Variants in CACNG2 observed in about 807,000 individuals in gnomAD.
The protein encoded by CACNG2 is calcium voltage-gated channel auxiliary subunit gamma 2, also known as voltage-dependent calcium channel gamma-2 subunit.
Under a neutral mutation model 25.9 loss-of-function variants are expected in CACNG2, and 3 were observed. The ratio of observed to expected loss-of-function variants is 0.12; its 90% CI spans 0.05 to 0.30. The LOEUF is 0.30. Ranked by LOEUF, CACNG2 falls within the 10% of genes least tolerant of loss-of-function variation. The pLI is 1.00. For missense variants in CACNG2, 341 were observed against 432.5 expected, an observed-to-expected ratio of 0.79 and a Z score of 1.88; for synonymous variants, 167 against 173.3, an observed-to-expected ratio of 0.96 and a Z score of 0.29.
In CACNG2 at chr22:36,600,842, C is replaced by T. The variant is rs533646550; in HGVS notation, c.212-13294G>A. On this transcript the variant is annotated intron_variant, in intron 1 of 3. Transcript: ENST00000300105. ...GATTATAGGCATGAACCACCGCTCC[C>T]GGCCTAAAATTTTTTTTAAGTGCAT... Among the ~76,000 whole-genome samples the T allele has an allele frequency of 5.3e-5, 8 of 152,152 alleles. No homozygotes were observed. The East Asian group carries it at 9.6e-4, about 18-fold the overall frequency.
intron 1 of CACNG2, among the ~76,000 whole-genome samples, chr22:36,699,750 G>A (rs1937387560): frequency 6.6e-6 from 1 of 152,100 alleles, no homozygotes; most frequent in South Asian, 2.1e-4. Context: ...CATAGAGAGC[G>A]ACCCCATTCT....
At chr22:36,660,747 G>A (rs1355535855) in intron 1 of CACNG2, among the ~76,000 whole-genome samples, 1 of 152,228 alleles carries the variant, frequency 6.6e-6, no homozygotes, top group Non-Finnish European at 1.5e-5. Flanking sequence ...TGGGTTGTTA[G>A]ATAAACGTGG....
At chr22:36,573,065 G>T (rs1171185153) in intron 2 of CACNG2, among the ~76,000 whole-genome samples, 1 of 152,224 alleles carries the variant, frequency 6.6e-6, no homozygotes, top group African/African-American at 2.4e-5. Flanking sequence ...CACCATGAGG[G>T]TATGTGACAG....
intron 1 of CACNG2, among the ~76,000 whole-genome samples, chr22:36,699,894 T>C (rs1010390356): frequency 4.6e-5 from 7 of 152,248 alleles, no homozygotes; most frequent in African/African-American, 1.7e-4. Context: ...TCCAAACTAC[T>C]TCCTAAGTCG....
intron 1 of CACNG2, among the ~76,000 whole-genome samples, chr22:36,669,674 G>A (rs954420250): frequency 1.3e-5 from 2 of 151,952 alleles, no homozygotes; most frequent in African/African-American, 2.4e-5. Context: ...ATAGTTAATC[G>A]TTTTTCTTTT....
At chr22:36,587,842 C>T (rs1205422738) in intron 1 of CACNG2, among the ~76,000 whole-genome samples, 6 of 152,226 alleles carry the variant, frequency 3.9e-5, no homozygotes, top group South Asian at 4.1e-4. Flanking sequence ...GGTTTGATTC[C>T]GAGCTGGGGA....
chr22:36,602,228 A>G (rs1164318587), intron 1 of CACNG2, among the ~76,000 whole-genome samples: 1 of 152,192 alleles, frequency 6.6e-6, no homozygotes, highest in Non-Finnish European at 1.5e-5. Flanking sequence ...TTGAGACTTT[A>G]GTTTAAACAA....
At chr22:36,667,767 C>T (rs1043125576) in intron 1 of CACNG2, among the ~76,000 whole-genome samples, 1 of 152,124 alleles carries the variant, frequency 6.6e-6, no homozygotes. Flanking sequence ...GTTTCTCCTT[C>T]GAGAAATTAG....
chr22:36,647,178 C>T (rs1936538009), intron 1 of CACNG2, among the ~76,000 whole-genome samples: 1 of 152,198 alleles, frequency 6.6e-6, no homozygotes, highest in African/African-American at 2.4e-5. Flanking sequence ...CTCTCCTCCC[C>T]ATCCTGGTCC....
chr22:36,589,976 G>A (rs1935561686), intron 1 of CACNG2, among the ~76,000 whole-genome samples: 1 of 152,174 alleles, frequency 6.6e-6, no homozygotes, highest in Non-Finnish European at 1.5e-5. Context: ...ATTTCAGCAA[G>A]CCGGTGCCAG....
chr22:36,641,938 G>C (rs1268186528), intron 1 of CACNG2, among the ~76,000 whole-genome samples: 1 of 152,218 alleles, frequency 6.6e-6, no homozygotes, highest in African/African-American at 2.4e-5. Context: ...TTCCCAGGGA[G>C]ACTTCCAATG....
chr22:36,588,485 C>T (rs1232912277), intron 1 of CACNG2, among the ~76,000 whole-genome samples: 1 of 152,192 alleles, frequency 6.6e-6, no homozygotes, highest in African/African-American at 2.4e-5. Flanking sequence ...GGCTTCCTGA[C>T]AGCAGAGACT....
intron 1 of CACNG2, among the ~76,000 whole-genome samples, chr22:36,605,574 C>T (rs944982259): frequency 6.6e-6 from 1 of 152,206 alleles, no homozygotes; most frequent in African/African-American, 2.4e-5. Context: ...CTAGTTATGC[C>T]ACTGAACCTG....
rs375164305 is a variant in CACNG2 at position 36,673,802 on chromosome 22, A to C, written c.211+28564T>G. Among the ~76,000 whole-genome samples the C allele has an allele frequency of 2.8e-4, 43 of 152,222 alleles. No homozygotes were observed. In the South Asian group the frequency reaches 8.7e-3, roughly 31 times the overall value. Reference sequence around the variant, plus strand: ...CAGTTTACAAAGTACTTTACAGTTTATGAAGCACTTTACAGTTTATGAAGC... The same window carrying C: ...CAGTTTACAAAGTACTTTACAGTTTCTGAAGCACTTTACAGTTTATGAAGC... On this transcript the variant is annotated intron_variant, in intron 1 of 3. Transcript: ENST00000300105.
chr22:36,702,341 G>T (rs200548912), intron 1 of CACNG2, 25 bp downstream of exon 1: 2 of 1,530,472 alleles, frequency 1.3e-6, no homozygotes, highest in East Asian at 2.3e-5. Flanking sequence ...GGTGGAGAGG[G>T]GGGAGGAGAT....
rs568759860 is a variant in CACNG2 at position 36,594,006 on chromosome 22, G to C, written c.212-6458C>G. On this transcript the variant is annotated intron_variant, in intron 1 of 3. Coordinates refer to ENST00000300105, the MANE Select transcript of CACNG2 (RefSeq NM_006078.5). ...TGGTGAGTGGTGATGAAATGAATGA[G>C]ATTTCATTTCCCTAAGGCCAGCCTA... is the stretch of plus-strand genomic sequence containing the variant. Among the ~76,000 whole-genome samples, 137 of 152,290 alleles carry C rather than the reference G, an allele frequency of 9.0e-4. 1 individual carries two copies. Among genetic ancestry groups the C allele is most frequent in the Middle Eastern group, 6.8e-3 (2 of 294 alleles).
intron 2 of CACNG2, among the ~76,000 whole-genome samples, chr22:36,572,273 C>T (rs936911860): frequency 1.3e-5 from 2 of 152,168 alleles, no homozygotes; most frequent in Non-Finnish European, 2.9e-5. Context: ...TTACACACGC[C>T]TAAAGCTGAC....
At chr22:36,611,075 G>A (rs530303865) in intron 1 of CACNG2, among the ~76,000 whole-genome samples, 6 of 152,282 alleles carry the variant, frequency 3.9e-5, no homozygotes, top group Admixed American at 2.0e-4. Context: ...ATATGATGTC[G>A]GAACTTAATT....
At chr22:36,582,398 C>CTT in intron 2 of CACNG2, among the ~76,000 whole-genome samples, 1 of 139,212 alleles carries the variant, frequency 7.2e-6, no homozygotes, top group Non-Finnish European at 1.6e-5. Flanking sequence ...GCTGTTTGCT[C>CTT]TTTCTTTCTT....
Sources: gnomAD v4.1 joint callset for allele counts (sites outside exome capture counted in the v4.1 genomes callset) on GRCh38, gnomAD v4.1.1 for gene constraint, MANE v1.5 for transcripts, NCBI Gene and HGNC (gene_info 2026-07-23, HGNC 2026-07-21) for gene names.